ANO10: variants seen among roughly 807,000 people sequenced by gnomAD.
ANO10 encodes the protein anoctamin-10.
Under a neutral mutation model 74.7 loss-of-function variants are expected in ANO10, and 77 were observed. The observed-to-expected ratio is 1.03, with a 90% confidence interval of 0.86 to 1.25. The LOEUF is 1.25. Among genes scored for constraint, ANO10 ranks in the 50% most tolerant of loss-of-function variants. The pLI, the probability that ANO10 is intolerant of heterozygous loss-of-function variation, is 0.00. For synonymous variants in ANO10, 279 were observed against 284.9 expected (o/e 0.98, Z 0.21); for missense variants, 721 against 778.1 (o/e 0.93, Z 0.87).
intron 3 of ANO10, among the ~76,000 whole-genome samples, chr3:43,599,702 G>A (rs1376715596): frequency 1.3e-5 from 2 of 152,000 alleles, no homozygotes; most frequent in East Asian, 1.9e-4. Flanking sequence ...TCAGGAGATC[G>A]AAATCATCCT....
intron 11 of ANO10, among the ~76,000 whole-genome samples, chr3:43,544,136 A>G (rs1217125919): frequency 1.7e-4 from 26 of 152,244 alleles, no homozygotes; most frequent in Admixed American, 1.7e-3. Flanking sequence ...ACATCAAAAA[A>G]GCAAACTAAG....
chr3:43,578,353 C>T (rs1158995008), intron 5 of ANO10, among the ~76,000 whole-genome samples: 1 of 152,112 alleles, frequency 6.6e-6, no homozygotes, highest in Non-Finnish European at 1.5e-5. Context: ...CACCTATGTC[C>T]CAGATGCTAT....
intron 4 of ANO10, among the ~76,000 whole-genome samples, chr3:43,593,259 C>T (rs1246878167): frequency 2.0e-5 from 3 of 152,068 alleles, no homozygotes; most frequent in African/African-American, 4.8e-5. Context: ...ATACAGAGAA[C>T]GCCACAAAGA....
intron 11 of ANO10, among the ~76,000 whole-genome samples, chr3:43,444,556 T>C (rs2093212708): frequency 3.9e-5 from 6 of 152,238 alleles, no homozygotes; most frequent in Admixed American, 2.0e-4. Flanking sequence ...ACTATATACT[T>C]ACTTCATTTA....
chr3:43,597,589 A>T (rs185683245), intron 4 of ANO10, among the ~76,000 whole-genome samples: 26 of 152,172 alleles, frequency 1.7e-4, no homozygotes, highest in African/African-American at 6.3e-4. Context: ...AGGAAGAGGA[A>T]CATCACACAC....
chr3:43,464,144 T>C (rs1242770508), intron 11 of ANO10, among the ~76,000 whole-genome samples: 3 of 152,044 alleles, frequency 2.0e-5, no homozygotes, highest in African/African-American at 7.2e-5. Context: ...TATGTTTTTA[T>C]CAGCAACCTG....
chr3:43,400,560 GCCC>G (rs2092462265), intron 12 of ANO10, among the ~76,000 whole-genome samples: 2 of 152,068 alleles, frequency 1.3e-5, no homozygotes, highest in Non-Finnish European at 2.9e-5. Context: ...AATTGCTTGA[GCCC>G]AGGAATTCGA....
chr3:43,614,547 T>C lies in ANO10; in HGVS notation c.-12+7362A>G, dbSNP rs997641372. 2.2e-4 allele frequency among the ~76,000 whole-genome samples: 33 copies of C among 152,100 alleles called. 1 individual carries two copies. Among genetic ancestry groups the C allele is most frequent in the African/African-American group, 6.0e-4 (25 of 41,526 alleles). ...AATGCAAAGTAACAATAAGATACTT[T>C]TCCCTTTTCAAATCAGCTGAAGCTA... On this transcript the variant is annotated intron_variant, in intron 1 of 12. Coordinates refer to ENST00000292246, the MANE Select transcript of ANO10 (RefSeq NM_018075.5).
chr3:43,427,471 C>T (rs1172614226), intron 12 of ANO10, among the ~76,000 whole-genome samples: 1 of 152,062 alleles, frequency 6.6e-6, no homozygotes, highest in East Asian at 1.9e-4. Flanking sequence ...CATATTTTGC[C>T]CATAAAATGA....
At chr3:43,403,319 C>G (rs2092517022) in intron 12 of ANO10, among the ~76,000 whole-genome samples, 1 of 152,222 alleles carries the variant, frequency 6.6e-6, no homozygotes, top group African/African-American at 2.4e-5. Flanking sequence ...CCATAATTAG[C>G]CTTTCTCCTT....
At chr3:43,648,716 G>T (rs1270154352) in intron 1 of ANO10, among the ~76,000 whole-genome samples, 4 of 138,920 alleles carry the variant, frequency 2.9e-5, no homozygotes, top group Non-Finnish European at 6.0e-5. Flanking sequence ...TGGCTCTGTC[G>T]CCCAGGCTGG....
chr3:43,493,772 G>C (rs2076816236), intron 11 of ANO10, among the ~76,000 whole-genome samples: 1 of 152,136 alleles, frequency 6.6e-6, no homozygotes, highest in Non-Finnish European at 1.5e-5. Flanking sequence ...GTCTCATTCT[G>C]TCACCCAGGC....
At chr3:43,479,808 G>A (rs1473222124) in intron 11 of ANO10, among the ~76,000 whole-genome samples, 3 of 152,196 alleles carry the variant, frequency 2.0e-5, no homozygotes, top group Admixed American at 6.5e-5. Flanking sequence ...AACGGCTGCA[G>A]AAGGGCAGAA....
At chr3:43,592,484 C>G (rs1156378261) in intron 4 of ANO10, among the ~76,000 whole-genome samples, 2 of 152,234 alleles carry the variant, frequency 1.3e-5, no homozygotes, top group Non-Finnish European at 2.9e-5. Context: ...CCCAGGCAAA[C>G]AGGGTCTGGA....
chr3:43,649,568 C>G (rs1173950583), intron 1 of ANO10, among the ~76,000 whole-genome samples: 1 of 152,208 alleles, frequency 6.6e-6, no homozygotes, highest in East Asian at 1.9e-4. Flanking sequence ...TAACACAGAA[C>G]AGCTCTAGGT....
chr3:43,496,068 A>T (rs1408535419), intron 11 of ANO10, among the ~76,000 whole-genome samples: 2 of 152,188 alleles, frequency 1.3e-5, no homozygotes, highest in Non-Finnish European at 2.9e-5. Context: ...TAAATAAGTT[A>T]CCAGGACACT....
chr3:43,647,153 A>ATATATG (rs371712281), intron 1 of ANO10, among the ~76,000 whole-genome samples: 1 of 141,790 alleles, frequency 7.1e-6, no homozygotes, highest in Non-Finnish European at 1.5e-5. Flanking sequence ...ATGTGTATAT[A>ATATATG]TGTGTGTGTG....
intron 11 of ANO10, among the ~76,000 whole-genome samples, chr3:43,494,907 C>T (rs1484857964): frequency 2.0e-5 from 3 of 151,806 alleles, no homozygotes. Context: ...TGAAGCTGAA[C>T]TAAGTAATTT....
intron 11 of ANO10, among the ~76,000 whole-genome samples, chr3:43,460,211 G>T (rs866833627): frequency 6.6e-6 from 1 of 152,160 alleles, no homozygotes; most frequent in African/African-American, 2.4e-5. Flanking sequence ...AACCCAGATG[G>T]AGGCAGGCTT....
Sources: gnomAD v4.1 joint callset for allele counts (sites outside exome capture counted in the v4.1 genomes callset) on GRCh38, gnomAD v4.1.1 for gene constraint, MANE v1.5 for transcripts, NCBI Gene and HGNC (gene_info 2026-07-23, HGNC 2026-07-21) for gene names.